Variants in GPR137B observed in about 807,000 individuals in gnomAD.
GPR137B encodes the protein integral membrane protein GPR137B.
GPR137B carries 42 observed loss-of-function variants against 42.5 expected under a neutral mutation model. The observed-to-expected ratio is 0.99, with a 90% confidence interval of 0.77 to 1.28. The LOEUF is 1.28. Among genes scored for constraint, GPR137B ranks in the 50% most tolerant of loss-of-function variants. The pLI, the probability that GPR137B is intolerant of heterozygous loss-of-function variation, is 0.00. For missense variants in GPR137B, 487 were observed against 493.9 expected (o/e 0.99, Z 0.13); for synonymous variants, 218 against 209.7 (o/e 1.04, Z -0.34).
At chr1:236,144,438 AAAAC>A (rs1661627413) in intron 1 of GPR137B, among the ~76,000 whole-genome samples, 1 of 152,204 alleles carries the variant, frequency 6.6e-6, no homozygotes, top group African/African-American at 2.4e-5. Flanking sequence ...ACAAACAAAA[AAAAC>A]AAAGTAGGAA....
At chr1:236,194,967 T>C (rs1663293466) in intron 5 of GPR137B, among the ~76,000 whole-genome samples, 1 of 152,182 alleles carries the variant, frequency 6.6e-6, no homozygotes, top group Admixed American at 6.6e-5. Flanking sequence ...ATCATCTAGC[T>C]TTTAAAAATT....
rs1333333097 is a variant in GPR137B at position 236,150,265 on chromosome 1, G to T, written c.414+7229G>T. Among the ~76,000 whole-genome samples the T allele has an allele frequency of 1.3e-5, 2 of 150,588 alleles. No individual in the cohort carries two copies. Among genetic ancestry groups the T allele is most frequent in the African/African-American group, 4.9e-5 (2 of 40,916 alleles). ...TGCCCGTGTGTGTGCCTGTGTTTGTGTGTGTCTGTGCCTGTGTGTGTCTTT... is the reference window on the plus strand; with the variant it reads ...TGCCCGTGTGTGTGCCTGTGTTTGTTTGTGTCTGTGCCTGTGTGTGTCTTT... On this transcript the variant is annotated intron_variant, in intron 1 of 6. Transcript: ENST00000366592. The surrounding 1 kb of genome is among the most constrained non-coding windows in gnomAD (Gnocchi z 6.2).
At chr1:236,154,259 A>G (rs1216591363) in intron 1 of GPR137B, among the ~76,000 whole-genome samples, 1 of 149,944 alleles carries the variant, frequency 6.7e-6, no homozygotes, top group Non-Finnish European at 1.5e-5. Flanking sequence ...CCAGACCAAC[A>G]TGAGGATGGA....
At chr1:236,143,756 T>C (rs1661604495) in intron 1 of GPR137B, among the ~76,000 whole-genome samples, 1 of 152,246 alleles carries the variant, frequency 6.6e-6, no homozygotes, top group Non-Finnish European at 1.5e-5. Flanking sequence ...TTATGGGGCA[T>C]ATTATTAAAT....
At chr1:236,197,566 G>A (rs1227114652) in intron 5 of GPR137B, among the ~76,000 whole-genome samples, 3 of 152,014 alleles carry the variant, frequency 2.0e-5, no homozygotes, top group Non-Finnish European at 4.4e-5. Flanking sequence ...TTTTGTATAC[G>A]GTGAGAGATG....
intron 1 of GPR137B, among the ~76,000 whole-genome samples, chr1:236,166,052 G>T (rs935387494): frequency 6.6e-6 from 1 of 152,202 alleles, no homozygotes; most frequent in Non-Finnish European, 1.5e-5. Flanking sequence ...ACCCCACTAA[G>T]TGGGCAAAAT....
At chr1:236,148,863 G>A (rs987674871) in intron 1 of GPR137B, among the ~76,000 whole-genome samples, 1 of 152,172 alleles carries the variant, frequency 6.6e-6, no homozygotes, top group African/African-American at 2.4e-5. Flanking sequence ...GTCCCTGGGT[G>A]CAGATCTGGG....
At chr1:236,173,715 T>C (rs1169209280) in intron 2 of GPR137B, among the ~76,000 whole-genome samples, 1 of 152,126 alleles carries the variant, frequency 6.6e-6, no homozygotes, top group African/African-American at 2.4e-5. Flanking sequence ...CCTGGCCCTA[T>C]GGTTTAGGTT....
At chr1:236,152,067 G>T (rs897475366) in intron 1 of GPR137B, among the ~76,000 whole-genome samples, 5 of 152,258 alleles carry the variant, frequency 3.3e-5, no homozygotes, top group African/African-American at 1.2e-4. Context: ...CTATCCATGC[G>T]AGAGGGCCTC....
chr1:236,148,647 C>T (rs1296032506), intron 1 of GPR137B, among the ~76,000 whole-genome samples: 1 of 152,168 alleles, frequency 6.6e-6, no homozygotes, highest in Non-Finnish European at 1.5e-5. Context: ...TGTTCTGAAA[C>T]TCAGCTAGGG....
At chr1:236,146,204 C>G (rs1289534116) in intron 1 of GPR137B, among the ~76,000 whole-genome samples, 1 of 152,138 alleles carries the variant, frequency 6.6e-6, no homozygotes, top group Non-Finnish European at 1.5e-5. Flanking sequence ...CTAAATCTAA[C>G]CTCGTGTTCT....
chr1:236,208,041 CTTT>C lies in GPR137B; in HGVS notation c.1092-6_1092-4del, dbSNP rs1242365236. The C allele has an allele frequency of 6.3e-7, 1 of 1,597,196 alleles. No homozygotes were observed. The highest frequency in any genetic ancestry group is 8.6e-7 in the Non-Finnish European group (1 of 1,166,822). On this transcript the variant is annotated splice_polypyrimidine_tract_variant and splice_region_variant and intron_variant, in intron 6 of 6. Transcript: ENST00000366592. ...TTTCAAGTCACTGAAATATTTTTTT[CTTT>C]TTAAGTTTTGCTCCAGATTACTATG...
chr1:236,180,291 T>C, intron 4 of GPR137B: 1 of 348,848 alleles, frequency 2.9e-6, no homozygotes, highest in Non-Finnish European at 5.2e-6. Context: ...TTTTAATTGT[T>C]ATTAGTATTT....
At chr1:236,186,121 G>A (rs886602143) in intron 5 of GPR137B, among the ~76,000 whole-genome samples, 3 of 143,826 alleles carry the variant, frequency 2.1e-5, no homozygotes, top group Non-Finnish European at 3.0e-5. Flanking sequence ...CTTTTTTATT[G>A]CCAAATAAAT....
chr1:236,199,231 C>T (rs1369048759), intron 5 of GPR137B, among the ~76,000 whole-genome samples: 1 of 152,196 alleles, frequency 6.6e-6, no homozygotes, highest in East Asian at 1.9e-4. Flanking sequence ...ACCATCCCTG[C>T]ATCCCTGGTA....
intron 1 of GPR137B, among the ~76,000 whole-genome samples, chr1:236,143,739 A>G (rs902605323): frequency 1.3e-5 from 2 of 152,296 alleles, no homozygotes; most frequent in South Asian, 4.1e-4. Context: ...GCCACACAAA[A>G]ATCACTTTAT....
At chr1:236,161,374 C>G (rs1032963552) in intron 1 of GPR137B, among the ~76,000 whole-genome samples, 13 of 152,028 alleles carry the variant, frequency 8.6e-5, no homozygotes, top group African/African-American at 2.9e-4. Flanking sequence ...TCACCCCCTC[C>G]CTCACTGCTC....
At chr1:236,149,481 G>A (rs950906020) in intron 1 of GPR137B, among the ~76,000 whole-genome samples, 1 of 152,156 alleles carries the variant, frequency 6.6e-6, no homozygotes, top group African/African-American at 2.4e-5. Flanking sequence ...GAACTAAGAG[G>A]CCCCTAAAAG....
chr1:236,205,988 A>G (rs1019236128), intron 6 of GPR137B, among the ~76,000 whole-genome samples: 16 of 152,256 alleles, frequency 1.1e-4, no homozygotes, highest in African/African-American at 3.1e-4. Flanking sequence ...CTAGAGAGTA[A>G]ATGCAGTAGT....
Sources: allele counts gnomAD v4.1 joint callset (sites outside exome capture counted in the v4.1 genomes callset), GRCh38; gene constraint gnomAD v4.1.1; non-coding constraint Gnocchi (gnomAD v3.1); transcripts MANE v1.5; gene names NCBI Gene and HGNC (gene_info 2026-07-23, HGNC 2026-07-21).